Variants in CCSER1 observed in about 807,000 individuals in gnomAD.
CCSER1 encodes serine-rich coiled-coil domain-containing protein 1.
CCSER1 carries 41 observed loss-of-function variants against 82.0 expected under a neutral mutation model. The observed-to-expected ratio is 0.50, with a 90% CI of 0.39 to 0.65. The LOEUF is 0.65. CCSER1 is among the 30% of genes least tolerant of loss of function. CCSER1 has a pLI of 0.00. For synonymous variants in CCSER1, 414 were observed against 383.9 expected (o/e 1.08, Z -0.92); for missense variants, 1,119 against 1,064.2 (o/e 1.05, Z -0.72).
chr4:90,793,496 C>A (rs7696319), intron 7 of CCSER1, among the ~76,000 whole-genome samples: 1 of 152,004 alleles, frequency 6.6e-6, no homozygotes, highest in Non-Finnish European at 1.5e-5. Context: ...CTGCAAAGGA[C>A]GTAATCTTAT....
intron 3 of CCSER1, among the ~76,000 whole-genome samples, chr4:90,359,922 A>AT (rs200405709): frequency 2.3e-3 from 312 of 136,572 alleles, no homozygotes; most frequent in Admixed American, 2.8e-3. Context: ...TATGTATATA[A>AT]TTTTTTTTTT....
chr4:90,155,518 T>C (rs1727928758), intron 1 of CCSER1, among the ~76,000 whole-genome samples: 1 of 152,284 alleles, frequency 6.6e-6, no homozygotes, highest in Admixed American at 6.5e-5. Context: ...CTGGACTCTT[T>C]TTGGTTGGTA....
intron 9 of CCSER1, among the ~76,000 whole-genome samples, chr4:91,004,793 G>T (rs1209784549): frequency 6.6e-6 from 1 of 152,020 alleles, no homozygotes; most frequent in African/African-American, 2.4e-5. Flanking sequence ...AAAATATTTT[G>T]TCTTTGATAT....
chr4:90,270,491 A>C (rs1356008066), intron 1 of CCSER1, among the ~76,000 whole-genome samples: 2 of 152,012 alleles, frequency 1.3e-5, no homozygotes, highest in Non-Finnish European at 2.9e-5. Flanking sequence ...GAAGGAACAC[A>C]CCTCAACATA....
intron 6 of CCSER1, among the ~76,000 whole-genome samples, chr4:90,717,758 A>T (rs1187187059): frequency 6.9e-6 from 1 of 145,264 alleles, no homozygotes; most frequent in Non-Finnish European, 1.5e-5. Context: ...ATATATATAC[A>T]CACATATATA....
At chr4:91,106,420 A>G (rs776834818) in intron 10 of CCSER1, among the ~76,000 whole-genome samples, 2 of 152,212 alleles carry the variant, frequency 1.3e-5, no homozygotes, top group African/African-American at 2.4e-5. Context: ...ATTAATAGAC[A>G]TACCACAACT....
intron 8 of CCSER1, among the ~76,000 whole-genome samples, chr4:90,862,210 G>A (rs1765198612): frequency 6.6e-6 from 1 of 151,628 alleles, no homozygotes; most frequent in Non-Finnish European, 1.5e-5. Context: ...AACTCAGAAG[G>A]TTCTCAGCAT....
chr4:91,148,339 G>A (rs1729754061), intron 10 of CCSER1, among the ~76,000 whole-genome samples: 1 of 152,012 alleles, frequency 6.6e-6, no homozygotes, highest in Non-Finnish European at 1.5e-5. Flanking sequence ...ACCACGCAGA[G>A]TTTTCGAAGC....
intron 9 of CCSER1, among the ~76,000 whole-genome samples, chr4:91,061,170 A>G (rs1296993468): frequency 2.0e-5 from 3 of 152,058 alleles, no homozygotes; most frequent in Admixed American, 2.0e-4. Flanking sequence ...ATTAGTATCG[A>G]TAATAAGCTT....
chr4:91,316,478 G>T (rs1364734185), intron 10 of CCSER1, among the ~76,000 whole-genome samples: 1 of 151,982 alleles, frequency 6.6e-6, no homozygotes, highest in African/African-American at 2.4e-5. Context: ...TTCTCTGATA[G>T]AATTCATTCA....
chr4:91,399,882 G>A (rs969647027), intron 10 of CCSER1, among the ~76,000 whole-genome samples: 7 of 151,882 alleles, frequency 4.6e-5, no homozygotes, highest in South Asian at 2.1e-4. Context: ...TCCTCTGAAC[G>A]TTTTCTGTTC....
chr4:91,399,483 C>T (rs966642818), intron 10 of CCSER1, among the ~76,000 whole-genome samples: 2 of 151,958 alleles, frequency 1.3e-5, no homozygotes, highest in Admixed American at 1.3e-4. Context: ...ATATTTTATG[C>T]CTGTCTTCAG....
At chr4:90,546,076 G>A (rs1776713811) in intron 5 of CCSER1, among the ~76,000 whole-genome samples, 1 of 152,018 alleles carries the variant, frequency 6.6e-6, no homozygotes, top group South Asian at 2.1e-4. Flanking sequence ...ATGTGAAAGA[G>A]TCATTTCTTA....
intron 8 of CCSER1, among the ~76,000 whole-genome samples, chr4:90,921,001 T>A (rs1349004451): frequency 4.0e-5 from 6 of 151,650 alleles, no homozygotes; most frequent in Admixed American, 4.0e-4. Context: ...ATATATATAT[T>A]TATGAAATTA....
intron 10 of CCSER1, among the ~76,000 whole-genome samples, chr4:91,343,971 G>C (rs1254475488): frequency 6.6e-6 from 1 of 152,104 alleles, no homozygotes; most frequent in East Asian, 1.9e-4. Flanking sequence ...GCCTTTGAAG[G>C]TGATATGTGG....
At position 90,889,364 on chromosome 4, in the gene CCSER1, A is replaced by T. The variant is rs138358986; in HGVS notation, c.2095-34006A>T. Among the ~76,000 whole-genome samples the T allele has an allele frequency of 3.5e-3, 532 of 152,010 alleles. 7 individuals are homozygous for T. The highest frequency in any genetic ancestry group is 0.012 in the African/African-American group (512 of 41,488). ...TGAATTCTGCTTCTCTTATTGACTC[A>T]CTCTCTCCTACCCCTCCTTCTCCCC... On this transcript the variant is annotated intron_variant, in intron 8 of 10. Coordinates refer to ENST00000509176, the MANE Select transcript of CCSER1 (RefSeq NM_001145065.2).
At chr4:90,515,860 T>C (rs1253161552) in intron 5 of CCSER1, among the ~76,000 whole-genome samples, 1 of 152,182 alleles carries the variant, frequency 6.6e-6, no homozygotes, top group Admixed American at 6.5e-5. Flanking sequence ...ACTGTCTCTA[T>C]AGGGTACATA....
rs991159291 is a variant in CCSER1 at position 91,583,054 on chromosome 4, GACTA to G, written c.2218-15515_2218-15512del. 5.9e-5 allele frequency among the ~76,000 whole-genome samples: 9 copies of G among 151,404 alleles called. No individual in the cohort carries two copies. The East Asian group carries it at 1.8e-3, about 30-fold the overall frequency. ...AGCCTAAACTATATATGAAAGCCAT[GACTA>G]ACATACAGTTGGAGCCACTGATAAA... On this transcript the variant is annotated intron_variant, in intron 10 of 10. Transcript: ENST00000509176.
intron 9 of CCSER1, among the ~76,000 whole-genome samples, chr4:90,944,995 G>A (rs1300622240): frequency 6.6e-6 from 1 of 151,988 alleles, no homozygotes; most frequent in African/African-American, 2.4e-5. Flanking sequence ...TTATCTGATC[G>A]AGACCACAGT....
Sources: allele counts gnomAD v4.1 joint callset (sites outside exome capture counted in the v4.1 genomes callset), GRCh38; gene constraint gnomAD v4.1.1; transcripts MANE v1.5; gene names NCBI Gene and HGNC (gene_info 2026-07-23, HGNC 2026-07-21).